The following SDK1 variants were observed in gnomAD, a reference collection of about 807,000 sequenced individuals.
SDK1 encodes sidekick cell adhesion molecule 1.
A neutral mutation model predicts 245.5 loss-of-function variants in SDK1; 157 were observed. That is an observed-to-expected ratio of 0.64 (90% CI 0.56 to 0.73). SDK1 has a LOEUF of 0.73. SDK1 is among the 30% of genes least tolerant of loss of function. The pLI is 0.00. For missense variants in SDK1, 3,583 were observed against 3,002.3 expected (o/e 1.19, Z -4.52); for synonymous variants, 1,647 against 1,278.5 (o/e 1.29, Z -6.15).
chr7:3,944,983 T>C (rs1241493916), intron 5 of SDK1, among the ~76,000 whole-genome samples: 2 of 152,012 alleles, frequency 1.3e-5, no homozygotes, highest in Non-Finnish European at 2.9e-5. Flanking sequence ...TAAAGAACAG[T>C]CTATGTTGTA....
chr7:4,178,418 G>C (rs958014611), intron 34 of SDK1, 67 bp from the exon 35 acceptor site: 2 of 1,185,088 alleles, frequency 1.7e-6, no homozygotes, highest in Admixed American at 1.7e-5. Flanking sequence ...TGGTTCATAG[G>C]GGGAACTTTG....
chr7:4,050,629 TA>T (rs1432383877), intron 18 of SDK1, among the ~76,000 whole-genome samples: 1 of 152,204 alleles, frequency 6.6e-6, no homozygotes, highest in African/African-American at 2.4e-5. Context: ...AGGTTGTGGA[TA>T]CAGTCTGTAT....
chr7:3,932,207 C>G (rs1223411406), intron 5 of SDK1, among the ~76,000 whole-genome samples: 2 of 152,204 alleles, frequency 1.3e-5, no homozygotes, highest in East Asian at 3.8e-4. Flanking sequence ...AGTAGCTCCC[C>G]CCTCACTAAT....
At chr7:3,805,382 A>G (rs1458064705) in intron 4 of SDK1, among the ~76,000 whole-genome samples, 1 of 152,144 alleles carries the variant, frequency 6.6e-6, no homozygotes, top group Non-Finnish European at 1.5e-5. Context: ...TGATGCTCAA[A>G]TTGCCCCTTT....
intron 4 of SDK1, among the ~76,000 whole-genome samples, chr7:3,817,637 C>T (rs1050867546): frequency 2.0e-5 from 3 of 152,130 alleles, no homozygotes; most frequent in South Asian, 2.1e-4. Flanking sequence ...CAACCCCTGG[C>T]CATGCAAACA....
chr7:3,655,560 T>C (rs1025721388), intron 4 of SDK1, among the ~76,000 whole-genome samples: 3 of 146,154 alleles, frequency 2.1e-5, no homozygotes, highest in South Asian at 2.2e-4. Context: ...GGCTGTCTTA[T>C]ATATCTGTCT....
At chr7:4,072,484 C>T (rs928873992) in intron 20 of SDK1, among the ~76,000 whole-genome samples, 2 of 152,236 alleles carry the variant, frequency 1.3e-5, no homozygotes, top group Non-Finnish European at 2.9e-5. Flanking sequence ...CCTGTGCCCC[C>T]AGTGATGCCC....
chr7:3,627,174 C>T (rs1361362113), intron 2 of SDK1, among the ~76,000 whole-genome samples: 1 of 152,080 alleles, frequency 6.6e-6, no homozygotes, highest in African/African-American at 2.4e-5. Flanking sequence ...AATGATTCAC[C>T]CAGCTTGTCC....
At chr7:4,084,721 G>GTTATGT (rs1554335475) in intron 22 of SDK1, among the ~76,000 whole-genome samples, 15 of 98,626 alleles carry the variant, frequency 1.5e-4, no homozygotes, top group Admixed American at 1.3e-3. Flanking sequence ...GTTATGTTAT[G>GTTATGT]TTATGTTATG....
intron 4 of SDK1, among the ~76,000 whole-genome samples, chr7:3,692,798 C>T (rs1009882704): frequency 1.4e-4 from 22 of 152,022 alleles, no homozygotes; most frequent in African/African-American, 4.8e-4. Flanking sequence ...AGAATCGCAT[C>T]GATTTATACA....
chr7:4,210,466 C>G (rs190848857), intron 38 of SDK1, among the ~76,000 whole-genome samples: 2 of 152,300 alleles, frequency 1.3e-5, no homozygotes, highest in African/African-American at 2.4e-5. Flanking sequence ...CTGTCACACT[C>G]AAGACATTCC....
intron 20 of SDK1, among the ~76,000 whole-genome samples, chr7:4,074,064 G>A (rs1780457262): frequency 6.6e-6 from 1 of 152,118 alleles, no homozygotes; most frequent in South Asian, 2.1e-4. Flanking sequence ...GCATTTTGTT[G>A]CAGCCCACAA....
At chr7:3,344,960 G>C (rs1435919104) in intron 1 of SDK1, among the ~76,000 whole-genome samples, 1 of 152,220 alleles carries the variant, frequency 6.6e-6, no homozygotes, top group Non-Finnish European at 1.5e-5. Context: ...ACACAGGGTA[G>C]TGCTTTGGGG....
chr7:4,005,866 A>C (rs1785448346), intron 14 of SDK1, among the ~76,000 whole-genome samples: 1 of 152,170 alleles, frequency 6.6e-6, no homozygotes, highest in South Asian at 2.1e-4. Flanking sequence ...TCCCGTCTCT[A>C]CAAAAAATAC....
At chr7:3,740,971 G>A (rs532448313) in intron 4 of SDK1, among the ~76,000 whole-genome samples, 9 of 152,292 alleles carry the variant, frequency 5.9e-5, no homozygotes, top group African/African-American at 2.2e-4. Context: ...TGGACACAGG[G>A]AAGGGTCACT....
chr7:4,182,728 C>A (rs1334139600), intron 35 of SDK1, among the ~76,000 whole-genome samples: 1 of 152,212 alleles, frequency 6.6e-6, no homozygotes, highest in Non-Finnish European at 1.5e-5. Flanking sequence ...CCATGGGGCT[C>A]CTTCCTGAGG....
intron 4 of SDK1, among the ~76,000 whole-genome samples, chr7:3,816,912 C>T (rs6955230): frequency 3.3e-5 from 5 of 151,890 alleles, no homozygotes; most frequent in Admixed American, 3.3e-4. Context: ...TGCACGCTGA[C>T]CTTCTGTTAA....
chr7:3,684,801 A>G (rs1784226957), intron 4 of SDK1, among the ~76,000 whole-genome samples: 1 of 152,180 alleles, frequency 6.6e-6, no homozygotes, highest in African/African-American at 2.4e-5. Context: ...GAAATAAAAG[A>G]GCCAATGGAA....
intron 25 of SDK1, 122 bp downstream of exon 25, chr7:4,114,396 G>C: frequency 1.3e-6 from 1 of 765,452 alleles, no homozygotes. Context: ...GTCTGTCTTG[G>C]AGCTTTCCTA....
Sources: gnomAD v4.1 joint callset for allele counts (sites outside exome capture counted in the v4.1 genomes callset) on GRCh38, gnomAD v4.1.1 for gene constraint, MANE v1.5 for transcripts, NCBI Gene and HGNC (gene_info 2026-07-23, HGNC 2026-07-21) for gene names.